The following ARID3B variants were observed in gnomAD, a reference collection of about 807,000 sequenced individuals.
ARID3B encodes AT-rich interactive domain-containing protein 3B.
Under a neutral mutation model 51.9 loss-of-function variants are expected in ARID3B, and 10 were observed. The observed-to-expected ratio is 0.19, with a 90% CI of 0.12 to 0.33. ARID3B has a LOEUF of 0.33. Among genes scored for constraint, ARID3B ranks in the 10% least tolerant of loss-of-function variants. The pLI is 1.00. For synonymous variants in ARID3B, 205 were observed against 279.5 expected, an observed-to-expected ratio of 0.73 and a Z score of 2.66; for missense variants, 483 against 716.3, an observed-to-expected ratio of 0.67 and a Z score of 3.72.
intron 2 of ARID3B, among the ~76,000 whole-genome samples, chr15:74,570,247 T>A (rs2141463725): frequency 6.6e-6 from 1 of 152,248 alleles, no homozygotes; most frequent in Admixed American, 6.5e-5. Flanking sequence ...TGCCAAGGCA[T>A]TCTCCATGTG....
chr15:74,593,884 CA>C (rs997693883), intron 8 of ARID3B, among the ~76,000 whole-genome samples: 1 of 149,176 alleles, frequency 6.7e-6, no homozygotes, highest in Non-Finnish European at 1.5e-5. Flanking sequence ...CTACAAAATA[CA>C]AAAAAAAATA....
chr15:74,543,131 T>C (rs1596247325), intron 1 of ARID3B, among the ~76,000 whole-genome samples: 1 of 152,248 alleles, frequency 6.6e-6, no homozygotes, highest in East Asian at 1.9e-4. Context: ...TTCCCCCGTT[T>C]GCTTTTGAGT....
chr15:74,577,708 G>A (rs2141469663), intron 4 of ARID3B, among the ~76,000 whole-genome samples: 1 of 151,960 alleles, frequency 6.6e-6, no homozygotes, highest in Middle Eastern at 3.4e-3. Flanking sequence ...TTTTTTGTGT[G>A]TGTGTGTGTG....
At chr15:74,593,393 A>G in intron 8 of ARID3B, 157 bp downstream of exon 8, 1 of 644,278 alleles carries the variant, frequency 1.6e-6, no homozygotes, top group Non-Finnish European at 2.7e-6. Context: ...GGTCCTCTGG[A>G]CTAGTAGACT....
intron 2 of ARID3B, among the ~76,000 whole-genome samples, chr15:74,553,683 T>C (rs2061646088): frequency 6.6e-6 from 1 of 152,202 alleles, no homozygotes; most frequent in Admixed American, 6.5e-5. Flanking sequence ...TATGTGTGAT[T>C]AGTTTCTATA....
chr15:74,566,939 T>TG (rs1172499491), intron 2 of ARID3B, among the ~76,000 whole-genome samples: 2 of 151,756 alleles, frequency 1.3e-5, no homozygotes, highest in African/African-American at 2.4e-5. Context: ...ATGAATATAA[T>TG]GGAAAAAAAA....
intron 2 of ARID3B, among the ~76,000 whole-genome samples, chr15:74,544,815 T>C (rs1237873292): frequency 6.6e-6 from 1 of 151,704 alleles, no homozygotes; most frequent in Admixed American, 6.6e-5. Context: ...CTCAGTCTCC[T>C]GAGTAGCTGG....
intron 2 of ARID3B, among the ~76,000 whole-genome samples, chr15:74,560,748 A>G (rs1034285690): frequency 1.3e-5 from 2 of 152,310 alleles, no homozygotes; most frequent in African/African-American, 4.8e-5. Context: ...GTCACAGAAC[A>G]TGTGAGTGTG....
intron 2 of ARID3B, among the ~76,000 whole-genome samples, chr15:74,568,132 C>G (rs141871350): frequency 6.6e-6 from 1 of 152,288 alleles, no homozygotes; most frequent in East Asian, 1.9e-4. Flanking sequence ...TATTTCAGTA[C>G]CGCCAGATAA....
rs1567128770 is a variant in ARID3B, at chr15:74,596,215, TG to T, written c.*445del. 4.2e-6 allele frequency: 1 copy of T among 240,448 alleles called. No individual in the cohort carries two copies. The highest frequency in any genetic ancestry group is 8.1e-6 in the Non-Finnish European group (1 of 123,004). 14.9% of individuals were successfully genotyped at this position (240,448 alleles called of 1,614,324 possible). A position where few individuals can be genotyped will look rare whatever the true frequency, so the allele number is the denominator to read the frequency against. On this transcript the variant is annotated 3_prime_UTR_variant, in exon 9 of 9. Coordinates refer to ENST00000346246, the MANE Select transcript of ARID3B (RefSeq NM_006465.4). ...TCTTCCCCTGTTTTTAAGTCCCATGTGGGGCTGCCAGGAGCCAAGAGCATGC... is the reference window on the plus strand; with the variant it reads ...TCTTCCCCTGTTTTTAAGTCCCATGTGGGCTGCCAGGAGCCAAGAGCATGC...
chr15:74,573,105 G>T, intron 3 of ARID3B, 27 bp from the exon 4 acceptor site: 1 of 1,612,886 alleles, frequency 6.2e-7, no homozygotes, highest in Non-Finnish European at 8.5e-7. Context: ...TTCACTGTGT[G>T]TTTTTCTTGG....
At chr15:74,542,136 A>C (rs2061597642) in intron 1 of ARID3B, among the ~76,000 whole-genome samples, 1 of 152,248 alleles carries the variant, frequency 6.6e-6, no homozygotes, top group African/African-American at 2.4e-5. Context: ...GACTTGGTTG[A>C]GAAGTTATTC....
At chr15:74,584,861 C>T (rs1027297014) in intron 4 of ARID3B, among the ~76,000 whole-genome samples, 1 of 152,290 alleles carries the variant, frequency 6.6e-6, no homozygotes, top group East Asian at 1.9e-4. Context: ...CCAGGAGTCC[C>T]GCCAGCTTCA....
chr15:74,558,178 C>CTTT (rs1208034661), intron 2 of ARID3B, among the ~76,000 whole-genome samples: 6 of 104,662 alleles, frequency 5.7e-5, no homozygotes, highest in Middle Eastern at 6.4e-3. Flanking sequence ...TGGTTTGTGT[C>CTTT]TTTTTTTTTT....
intron 2 of ARID3B, among the ~76,000 whole-genome samples, chr15:74,561,543 A>G (rs2061679490): frequency 6.6e-6 from 1 of 152,244 alleles, no homozygotes; most frequent in South Asian, 2.1e-4. Flanking sequence ...TGAGGCAGTT[A>G]TAAGCAGGGA....
At chr15:74,548,179 A>G (rs1486243626) in intron 2 of ARID3B, among the ~76,000 whole-genome samples, 4 of 152,224 alleles carry the variant, frequency 2.6e-5, no homozygotes, top group Non-Finnish European at 5.9e-5. Flanking sequence ...TCCTTTTCTC[A>G]AAGGAGATCA....
intron 4 of ARID3B, among the ~76,000 whole-genome samples, chr15:74,586,242 T>G (rs1175757338): frequency 6.6e-6 from 1 of 152,322 alleles, no homozygotes; most frequent in East Asian, 1.9e-4. Context: ...GTGATGACAG[T>G]TCCCAGAAGA....
intron 2 of ARID3B, among the ~76,000 whole-genome samples, chr15:74,565,374 A>G (rs754679295): frequency 6.6e-6 from 1 of 152,198 alleles, no homozygotes; most frequent in Non-Finnish European, 1.5e-5. Flanking sequence ...AGAACTCTCA[A>G]GAATCTCTAT....
chr15:74,581,509 T>A lies in ARID3B; in HGVS notation c.697+8305T>A, dbSNP rs548472529. Among the ~76,000 whole-genome samples the A allele has an allele frequency of 9.8e-5, 15 of 152,362 alleles. 2 individuals are homozygous for A. The South Asian group carries it at 3.1e-3, about 32-fold the overall frequency. On this transcript the variant is annotated intron_variant, in intron 4 of 8. Transcript: ENST00000346246. ...GACGATATAGGCTTTGGGGCTTCAT[T>A]TTCTAACTTTATCCCGAAATGAAAG...
Sources: allele counts gnomAD v4.1 joint callset (sites outside exome capture counted in the v4.1 genomes callset), GRCh38; gene constraint gnomAD v4.1.1; transcripts MANE v1.5; gene names NCBI Gene and HGNC (gene_info 2026-07-23, HGNC 2026-07-21).